The following NDC1 variants were observed in gnomAD, a reference collection of about 807,000 sequenced individuals.
NDC1 encodes the protein NDC1 transmembrane nucleoporin, also known as nucleoporin NDC1.
A neutral mutation model predicts 89.8 loss-of-function variants in NDC1; 24 were observed. That is an observed-to-expected ratio of 0.27 (90% confidence interval 0.19 to 0.38). The LOEUF (loss-of-function observed/expected upper bound fraction) is 0.38, where lower values mean the gene tolerates loss of function less well. NDC1 is among the 10% of genes least tolerant of loss of function. The pLI is 1.00. For missense variants in NDC1, 728 were observed against 797.6 expected (o/e 0.91, Z 1.05); for synonymous variants, 296 against 284.8 (o/e 1.04, Z -0.39).
At chr1:53,827,379 G>A (rs1437065703) in intron 4 of NDC1, among the ~76,000 whole-genome samples, 1 of 151,972 alleles carries the variant, frequency 6.6e-6, no homozygotes, top group Non-Finnish European at 1.5e-5. Context: ...TGAGCTCAAG[G>A]GATCCTCCTG....
intron 2 of NDC1, 42 bp from the exon 3 acceptor site, chr1:53,832,633 A>G: frequency 9.7e-7 from 1 of 1,025,786 alleles, no homozygotes; most frequent in South Asian, 1.3e-5. Context: ...TTATTCAGTC[A>G]TGTAGTCACG....
At position 53,765,616 on chromosome 1, in the gene NDC1, T is replaced by C. The variant is rs1570142721; in HGVS notation, c.*2354A>G. 6.6e-6 allele frequency: 1 copy of C among 152,138 alleles called. No homozygotes were observed. Among genetic ancestry groups the C allele is most frequent in the African/African-American group, 2.4e-5 (1 of 41,434 alleles). The allele number at this position is 152,138 out of a possible 1,614,324, so 9.4% of individuals were successfully genotyped here. A position where few individuals can be genotyped will look rare whatever the true frequency, so the allele number is the denominator to read the frequency against. On this transcript the variant is annotated 3_prime_UTR_variant, in exon 18 of 18. Transcript: ENST00000371429. ...GGAACAAATCCTGCAAAGTAACAAA[T>C]TGTTGCTTATCCATGTCCACTCAAC...
chr1:53,827,109 C>T (rs1415966140), intron 4 of NDC1, among the ~76,000 whole-genome samples: 1 of 151,798 alleles, frequency 6.6e-6, no homozygotes, highest in Non-Finnish European at 1.5e-5. Context: ...CAGTTTTTAC[C>T]AAAGAAAGCC....
At chr1:53,828,723 T>C (rs546347790) in intron 3 of NDC1, among the ~76,000 whole-genome samples, 14 of 152,258 alleles carry the variant, frequency 9.2e-5, no homozygotes, top group African/African-American at 3.4e-4. Context: ...GCGATTCTCC[T>C]GCCTCAGCCT....
chr1:53,826,318 G>A (rs1485479194), intron 4 of NDC1, among the ~76,000 whole-genome samples: 8 of 152,140 alleles, frequency 5.3e-5, no homozygotes, highest in East Asian at 3.8e-4. Context: ...ATTCCCTCAC[G>A]GGGATCCTGT....
chr1:53,817,870 T>C (rs1648531409), intron 6 of NDC1, among the ~76,000 whole-genome samples: 1 of 152,180 alleles, frequency 6.6e-6, no homozygotes. Context: ...GTTTAAATTA[T>C]TACATGTTGC....
At chr1:53,832,454 G>C (rs375909286) in intron 3 of NDC1, 36 bp downstream of exon 3, 2 of 1,062,024 alleles carry the variant, frequency 1.9e-6, no homozygotes, top group African/African-American at 3.2e-5. Flanking sequence ...AAATAAATTC[G>C]CATATTTCTA....
intron 16 of NDC1, among the ~76,000 whole-genome samples, chr1:53,784,608 C>T (rs752086333): frequency 1.3e-5 from 2 of 152,106 alleles, no homozygotes; most frequent in African/African-American, 2.4e-5. Flanking sequence ...CTGGCTAACA[C>T]GGTGAAACCC....
intron 15 of NDC1, among the ~76,000 whole-genome samples, chr1:53,787,915 T>C (rs913113342): frequency 5.4e-5 from 8 of 147,558 alleles, no homozygotes; most frequent in East Asian, 2.0e-4. Context: ...ATTCAGAGAA[T>C]GGTCAGGAAA....
Position 53,835,550 on chromosome 1 carries a change from A to G in NDC1, c.128T>C (p.Phe43Ser). Residue 43 changes from phenylalanine to serine, a missense_variant, in exon 2 of 18, where the codon TTT becomes TCT. Coordinates refer to ENST00000371429, the MANE Select transcript of NDC1 (RefSeq NM_018087.5). ...CAAATCAATCCTGCTGAAAATTATAAATACTGTGGTGCAGATGGGTAGAAA... is the reference window on the plus strand; with the variant it reads ...CAAATCAATCCTGCTGAAAATTATAGATACTGTGGTGCAGATGGGTAGAAA... ...VLFLPICTTV[F>S]IIFSRIDLFH... is the part of the protein sequence containing the mutation. 1.9e-6 allele frequency: 3 copies of G among 1,613,368 alleles called. 1 individual carries two copies. In the South Asian group the frequency reaches 3.3e-5, roughly 18 times the overall value.
At chr1:53,804,122 G>T in intron 9 of NDC1, 113 bp from the exon 10 acceptor site, 1 of 709,332 alleles carries the variant, frequency 1.4e-6, no homozygotes, top group Non-Finnish European at 2.3e-6. Context: ...ACTTTTTCAT[G>T]AAAAAAAAAA....
Position 53,795,678 on chromosome 1 carries a change from C to G in NDC1, c.1584+1011G>C, listed in dbSNP as rs185692842. On this transcript the variant is annotated intron_variant, in intron 13 of 17. Transcript: ENST00000371429. Reference sequence around the variant, plus strand: ...ATACCTAGACCTTGACCACATCTTACAGCCCCCACCACTACCACTCTGGTC... The same window carrying G: ...ATACCTAGACCTTGACCACATCTTAGAGCCCCCACCACTACCACTCTGGTC... 3.6e-3 allele frequency among the ~76,000 whole-genome samples: 554 copies of G among 152,292 alleles called. 8 individuals carry two copies. The highest frequency in any genetic ancestry group is 5.8e-3 in the Non-Finnish European group (397 of 68,024).
rs569426497 is a variant in NDC1 at position 53,833,955 on chromosome 1, C to G, written c.179-1364G>C. Reference sequence around the variant, plus strand: ...AAGCAATTCTCCTGCCTCAGCCTCCCGAGTAGCTGGGACTACAGGTGCATG... The same window carrying G: ...AAGCAATTCTCCTGCCTCAGCCTCCGGAGTAGCTGGGACTACAGGTGCATG... On this transcript the variant is annotated intron_variant, in intron 2 of 17. Transcript: ENST00000371429. Among the ~76,000 whole-genome samples, 3 of 151,982 alleles carry G rather than the reference C, an allele frequency of 2.0e-5. No homozygotes were observed. In the South Asian group the frequency reaches 6.2e-4, roughly 32 times the overall value.
intron 9 of NDC1, 79 bp downstream of exon 9, chr1:53,806,346 A>G: frequency 1.1e-6 from 1 of 922,582 alleles, no homozygotes; most frequent in South Asian, 1.9e-5. Context: ...AAATACAACT[A>G]CTTAAATATA....
intron 5 of NDC1, 46 bp from the exon 6 acceptor site, chr1:53,819,125 G>T (rs556354865): frequency 9.7e-5 from 86 of 887,912 alleles, no homozygotes; most frequent in Non-Finnish European, 1.5e-4. Context: ...CAAATCAAAT[G>T]ATACACTCAA....
At chr1:53,810,930 G>A (rs1290384002) in intron 6 of NDC1, among the ~76,000 whole-genome samples, 1 of 152,204 alleles carries the variant, frequency 6.6e-6, no homozygotes, top group East Asian at 1.9e-4. Flanking sequence ...GGACCCGGGA[G>A]ACACCCCAAA....
At chr1:53,776,547 T>G (rs1647165124) in intron 16 of NDC1, among the ~76,000 whole-genome samples, 1 of 152,242 alleles carries the variant, frequency 6.6e-6, no homozygotes, top group Non-Finnish European at 1.5e-5. Context: ...TGTATTTTGT[T>G]AATGTATCTA....
Position 53,835,576 on chromosome 1 carries a change from T to G in NDC1, c.102A>C (p.Leu34=). 2 of 1,613,224 alleles carry G rather than the reference T, an allele frequency of 1.2e-6. No individual in the cohort carries two copies. Among genetic ancestry groups the G allele is most frequent in the Non-Finnish European group, 1.7e-6 (2 of 1,179,384 alleles). ...RIVASIVWSV[L]FLPICTTVFI... is the part of the protein sequence containing the mutation. Reference sequence around the variant, plus strand: ...ATACTGTGGTGCAGATGGGTAGAAATAGCACTGACCAAACAATACTTGCAA... The same window carrying G: ...ATACTGTGGTGCAGATGGGTAGAAAGAGCACTGACCAAACAATACTTGCAA... Residue 34 remains leucine, a synonymous_variant, in exon 2 of 18, where the codon CTA becomes CTC. Transcript: ENST00000371429.
chr1:53,807,536 G>C, intron 8 of NDC1, 120 bp downstream of exon 8: 5 of 725,494 alleles, frequency 6.9e-6, no homozygotes. Flanking sequence ...TCTCAGAAGA[G>C]AGACCAAAAA....
Sources: gnomAD v4.1 joint callset for allele counts (sites outside exome capture counted in the v4.1 genomes callset) on GRCh38, gnomAD v4.1.1 for gene constraint, MANE v1.5 for transcripts, NCBI Gene and HGNC (gene_info 2026-07-23, HGNC 2026-07-21) for gene names.